The following ATP13A4 variants were observed in gnomAD, a reference collection of about 807,000 sequenced individuals.
ATP13A4 encodes ATPase 13A4.
ATP13A4 carries 114 observed loss-of-function variants against 142.5 expected under a neutral mutation model. That is an observed-to-expected ratio of 0.80 (90% CI 0.69 to 0.93). The LOEUF (loss-of-function observed/expected upper bound fraction) is 0.93, where lower values mean the gene tolerates loss of function less well. ATP13A4 is among the 40% of genes least tolerant of loss of function. The probability of loss-of-function intolerance (pLI) is 0.00; values close to 1 mark genes in which losing one functional copy is unlikely to be tolerated. For synonymous variants in ATP13A4, 488 were observed against 514.8 expected (o/e 0.95, Z 0.70); for missense variants, 1,392 against 1,454.0 (o/e 0.96, Z 0.69).
At chr3:193,514,039 C>T (rs1721274147) in intron 2 of ATP13A4, among the ~76,000 whole-genome samples, 1 of 152,188 alleles carries the variant, frequency 6.6e-6, no homozygotes, top group Non-Finnish European at 1.5e-5. Context: ...AAAGAAATAT[C>T]TTGTGAAATC....
chr3:193,513,302 A>G (rs1335690967), intron 2 of ATP13A4, among the ~76,000 whole-genome samples: 1 of 152,190 alleles, frequency 6.6e-6, no homozygotes, highest in African/African-American at 2.4e-5. Flanking sequence ...CTTCTCTCTT[A>G]CTGCATTAAA....
At chr3:193,508,221 T>G (rs1460808041) in intron 2 of ATP13A4, among the ~76,000 whole-genome samples, 2 of 152,172 alleles carry the variant, frequency 1.3e-5, no homozygotes, top group Non-Finnish European at 2.9e-5. Context: ...ACAATAAATT[T>G]CTGTTATTTC....
intron 1 of ATP13A4, among the ~76,000 whole-genome samples, chr3:193,552,039 T>C (rs1368770604): frequency 6.6e-6 from 1 of 152,196 alleles, no homozygotes; most frequent in African/African-American, 2.4e-5. Flanking sequence ...CATGGCGCGA[T>C]CTTGGCTCAC....
At chr3:193,432,020 C>T (rs1327563485) in intron 25 of ATP13A4, among the ~76,000 whole-genome samples, 1 of 151,414 alleles carries the variant, frequency 6.6e-6, no homozygotes, top group African/African-American at 2.4e-5. Flanking sequence ...ATAAAGGAGG[C>T]AGTAGCTGGT....
chr3:193,581,088 T>C (rs1724535044), intron 2 of ATP13A4, among the ~76,000 whole-genome samples: 1 of 152,230 alleles, frequency 6.6e-6, no homozygotes, highest in African/African-American at 2.4e-5. Flanking sequence ...GAATATGGGT[T>C]GTATTTTCCG....
chr3:193,551,501 T>C (rs1723561869), intron 1 of ATP13A4, among the ~76,000 whole-genome samples: 1 of 152,250 alleles, frequency 6.6e-6, no homozygotes, highest in Non-Finnish European at 1.5e-5. Context: ...ATTTACTCAA[T>C]TGGTTAATTG....
intron 1 of ATP13A4, among the ~76,000 whole-genome samples, chr3:193,541,248 CAAAAA>C (rs71179308): frequency 3.9e-5 from 2 of 51,298 alleles, no homozygotes; most frequent in Non-Finnish European, 8.0e-5. Context: ...GACTCCTTCT[CAAAAA>C]AAAAAAAAAA....
intron 25 of ATP13A4, among the ~76,000 whole-genome samples, chr3:193,419,905 C>T (rs1323966134): frequency 2.0e-5 from 3 of 150,220 alleles, no homozygotes; most frequent in East Asian, 2.1e-4. Flanking sequence ...TTGCTGTTGC[C>T]GTACCCCAGC....
intron 1 of ATP13A4, among the ~76,000 whole-genome samples, chr3:193,516,333 T>C (rs542633936): frequency 7.2e-5 from 11 of 152,360 alleles, no homozygotes; most frequent in Non-Finnish European, 1.3e-4. Context: ...ATGGCTTTCT[T>C]AGGCATTGTC....
intron 1 of ATP13A4, among the ~76,000 whole-genome samples, chr3:193,549,974 C>A (rs370645637): frequency 3.3e-5 from 5 of 152,132 alleles, no homozygotes; most frequent in African/African-American, 1.2e-4. Context: ...TGTTTTTCAA[C>A]ATGTAGCGGG....
At chr3:193,573,304 TATAC>T (rs1269321956) in intron 2 of ATP13A4, among the ~76,000 whole-genome samples, 4 of 89,496 alleles carry the variant, frequency 4.5e-5, no homozygotes, top group Non-Finnish European at 1.1e-4. Flanking sequence ...TATATATATA[TATAC>T]ATATATATAT....
intron 16 of ATP13A4, 82 bp from the exon 17 acceptor site, chr3:193,454,294 C>A: frequency 9.4e-7 from 1 of 1,063,262 alleles, no homozygotes. Flanking sequence ...AAACATCCAA[C>A]TTTTGCCCAA....
At chr3:193,513,844 C>A (rs777761525) in intron 2 of ATP13A4, among the ~76,000 whole-genome samples, 7 of 152,196 alleles carry the variant, frequency 4.6e-5, no homozygotes, top group Non-Finnish European at 1.0e-4. Context: ...GCTCCCCACC[C>A]CTTCCCTTCT....
intron 18 of ATP13A4, among the ~76,000 whole-genome samples, chr3:193,447,142 T>G (rs764776587): frequency 6.6e-6 from 1 of 152,178 alleles, no homozygotes; most frequent in Non-Finnish European, 1.5e-5. Context: ...GAGGAACACT[T>G]GTACATAAAT....
intron 1 of ATP13A4, among the ~76,000 whole-genome samples, chr3:193,591,435 T>G (rs1313410506): frequency 6.6e-6 from 1 of 152,270 alleles, no homozygotes; most frequent in African/African-American, 2.4e-5. Context: ...CAGTTTATTA[T>G]ACAACAGTTT....
At chr3:193,557,539 T>C (rs147835580), upstream of ATP13A4, among the ~76,000 whole-genome samples, 1,187 of 152,366 alleles carry the variant, frequency 7.8e-3, 61 homozygotes, top group Admixed American at 0.072. Context: ...GCCTCTGTGG[T>C]TGATACTATT....
At chr3:193,481,060 T>C (rs1719263489) in intron 8 of ATP13A4, among the ~76,000 whole-genome samples, 1 of 152,130 alleles carries the variant, frequency 6.6e-6, no homozygotes, top group Non-Finnish European at 1.5e-5. Flanking sequence ...CACTCATAAG[T>C]GGGAGCTAAG....
Position 193,554,788 on chromosome 3 carries a change from A to G in ATP13A4, c.12T>C (p.Phe4=). The G allele has an allele frequency of 6.2e-7, 1 of 1,613,974 alleles. No individual in the cohort carries two copies. The highest frequency in any genetic ancestry group is 1.1e-5 in the South Asian group (1 of 91,058). Residue 4 remains phenylalanine, a synonymous_variant, in exon 1 of 30, where the codon TTT becomes TTC. Transcript: ENST00000342695. MGH[F]EKGQHALLNE... ...TGAGCAGAGCGTGCTGGCCCTTCTC[A>G]AAGTGTCCCATGAAAAAGTTATTCC... is the stretch of plus-strand genomic sequence containing the variant.
chr3:193,479,853 C>T (rs1222396710), intron 8 of ATP13A4, among the ~76,000 whole-genome samples: 1 of 152,110 alleles, frequency 6.6e-6, no homozygotes, highest in Non-Finnish European at 1.5e-5. Context: ...TATCACATTA[C>T]CCAACTTCAA....
Sources: gnomAD v4.1 joint callset for allele counts (sites outside exome capture counted in the v4.1 genomes callset) on GRCh38, gnomAD v4.1.1 for gene constraint, MANE v1.5 for transcripts, NCBI Gene and HGNC (gene_info 2026-07-23, HGNC 2026-07-21) for gene names.